PCDH11X: variants seen among roughly 807,000 people sequenced by gnomAD.
PCDH11X encodes the protein protocadherin-11 X-linked.
A neutral mutation model predicts 53.3 loss-of-function variants in PCDH11X; 18 were observed. The observed-to-expected ratio is 0.34, with a 90% CI of 0.23 to 0.50. The LOEUF (loss-of-function observed/expected upper bound fraction) is 0.50, where lower values mean the gene tolerates loss of function less well. PCDH11X is among the 20% of genes least tolerant of loss of function. The probability of loss-of-function intolerance (pLI) is 0.98; values close to 1 mark genes in which losing one functional copy is unlikely to be tolerated. For synonymous variants in PCDH11X, 279 were observed against 393.3 expected (o/e 0.71, Z 3.44); for missense variants, 570 against 1,032.4 (o/e 0.55, Z 6.14).
intron 8 of PCDH11X, among the ~76,000 whole-genome samples, chrX:92,318,734 A>C (rs1421996882): frequency 9.0e-6 from 1 of 111,299 alleles, no homozygotes. Context: ...TAATCATAGG[A>C]AAATTGGCTT....
intron 8 of PCDH11X, among the ~76,000 whole-genome samples, chrX:92,370,385 G>A (rs113510862): frequency 0.15 from 15,710 of 106,101 alleles, 1,206 homozygotes; most frequent in Non-Finnish European, 0.22. Context: ...TTTTGATCTC[G>A]CGTGATATGT....
intron 6 of PCDH11X, among the ~76,000 whole-genome samples, chrX:91,915,309 A>G (rs983701603): frequency 8.6e-5 from 9 of 105,125 alleles, no homozygotes; most frequent in African/African-American, 3.1e-4. Flanking sequence ...AGCAACAACT[A>G]ACATGATGAG....
In PCDH11X at chrX:92,233,985, A is replaced by G. The variant is rs142739558; in HGVS notation, c.3115-29129A>G. On this transcript the variant is annotated intron_variant, in intron 7 of 10. Coordinates refer to ENST00000682573, the MANE Select transcript of PCDH11X (RefSeq NM_032968.5). ...ATATTGGCATAGTTTTAGCAGCTTG[A>G]CTTTCACAGAATAATGCACTGCTTC... 1.1e-3 allele frequency among the ~76,000 whole-genome samples: 123 copies of G among 112,088 alleles called. 1 individual carries two copies. The East Asian group carries it at 0.031, about 28-fold the overall frequency.
chrX:92,492,546 G>T (rs2073784617), intron 10 of PCDH11X, among the ~76,000 whole-genome samples: 1 of 111,669 alleles, frequency 9.0e-6, no homozygotes, highest in African/African-American at 3.3e-5. Context: ...TTTGGAGAAA[G>T]CTGTATTTTT....
At chrX:91,844,727 T>C (rs1370019310) in intron 5 of PCDH11X, among the ~76,000 whole-genome samples, 1 of 106,089 alleles carries the variant, frequency 9.4e-6, no homozygotes, top group African/African-American at 3.4e-5. Flanking sequence ...AAGCCTTTCC[T>C]GGATGCTAGT....
At chrX:92,153,307 C>T (rs963143646) in intron 6 of PCDH11X, among the ~76,000 whole-genome samples, 25 of 103,725 alleles carry the variant, frequency 2.4e-4, no homozygotes, top group Non-Finnish European at 3.9e-4. Flanking sequence ...ATTGCAATGC[C>T]ATCTTATATT....
In PCDH11X at chrX:92,151,191, C is replaced by CTATT. The variant is rs1196997542; in HGVS notation, c.3034-50170_3034-50167dup. Among the ~76,000 whole-genome samples the CTATT allele has an allele frequency of 6.2e-3, 668 of 108,534 alleles. 5 individuals are homozygous for CTATT. Among genetic ancestry groups the CTATT allele is most frequent in the African/African-American group, 0.022 (649 of 29,818 alleles). The allele number at this position is 108,534 out of a possible 115,157, so 94.2% of individuals were successfully genotyped here. A position where few individuals can be genotyped will look rare whatever the true frequency, so the allele number is the denominator to read the frequency against. On this transcript the variant is annotated intron_variant, in intron 6 of 10. Coordinates refer to ENST00000682573, the MANE Select transcript of PCDH11X (RefSeq NM_032968.5). ...GAATTTTTATTTTTATTTTATTTATCTATTTATTTATTTATTTTTGAGATG... is the reference window on the plus strand; with the variant it reads ...GAATTTTTATTTTTATTTTATTTATCTATTTATTTATTTATTTATTTTTGAGATG...
intron 5 of PCDH11X, among the ~76,000 whole-genome samples, chrX:91,847,688 T>C (rs1937759726): frequency 2.7e-5 from 3 of 111,548 alleles, no homozygotes; most frequent in African/African-American, 9.8e-5. Flanking sequence ...CTTGGTTCTG[T>C]TGGCAAAAGA....
intron 6 of PCDH11X, among the ~76,000 whole-genome samples, chrX:91,921,781 G>T (rs931201585): frequency 2.8e-5 from 3 of 108,615 alleles, no homozygotes; most frequent in Non-Finnish European, 5.7e-5. Flanking sequence ...CTGCTTGCTG[G>T]TTTTGTGTAA....
At position 92,102,123 on chromosome X, in the gene PCDH11X, C is replaced by T. The variant is rs182611388; in HGVS notation, c.3034-99252C>T. Among the ~76,000 whole-genome samples, 12 of 110,577 alleles carry T rather than the reference C, an allele frequency of 1.1e-4. No individual in the cohort carries two copies. The East Asian group carries it at 2.0e-3, about 18-fold the overall frequency. On this transcript the variant is annotated intron_variant, in intron 6 of 10. Coordinates refer to ENST00000682573, the MANE Select transcript of PCDH11X (RefSeq NM_032968.5). ...GTGGTATCAGGAATAATGTGGGAGG[C>T]CAGATTGAAGTCCCGGCCAGGAACA...
chrX:92,011,702 C>G (rs1474299906), intron 6 of PCDH11X, among the ~76,000 whole-genome samples: 2 of 110,991 alleles, frequency 1.8e-5, no homozygotes, highest in African/African-American at 6.5e-5. Flanking sequence ...ATGCCTTGCT[C>G]TATAAGTCAA....
intron 6 of PCDH11X, among the ~76,000 whole-genome samples, chrX:91,997,254 T>C (rs1268912679): frequency 9.1e-6 from 1 of 110,194 alleles, no homozygotes; most frequent in Non-Finnish European, 1.9e-5. Context: ...AGTACTATGT[T>C]GAATAGAAGT....
Position 91,886,105 on chromosome X carries a change from T to C in PCDH11X, c.3033+6832T>C, listed in dbSNP as rs187107546. Among the ~76,000 whole-genome samples, 352 of 112,252 alleles carry C rather than the reference T, an allele frequency of 3.1e-3. 1 individual carries two copies. Among genetic ancestry groups the C allele is most frequent in the African/African-American group, 0.011 (337 of 30,973 alleles). On this transcript the variant is annotated intron_variant, in intron 6 of 10. Transcript: ENST00000682573. ...CCAGAGGACAAAAATATTTATTTCC[T>C]TACTTGATTCCTTCTTATCAGTTGA...
chrX:92,487,838 A>G (rs764675700), intron 10 of PCDH11X, among the ~76,000 whole-genome samples: 1 of 111,497 alleles, frequency 9.0e-6, no homozygotes, highest in South Asian at 3.8e-4. Flanking sequence ...GCAAACTAAT[A>G]ATGTGTACAC....
At chrX:91,973,613 C>CTTTTTTTT (rs750179369) in intron 6 of PCDH11X, among the ~76,000 whole-genome samples, 1 of 88,315 alleles carries the variant, frequency 1.1e-5, no homozygotes, top group African/African-American at 4.3e-5. Flanking sequence ...GTATATACAA[C>CTTTTTTTT]TTTTTTTTTT....
At chrX:91,875,242 G>A (rs1414995481) in intron 5 of PCDH11X, among the ~76,000 whole-genome samples, 1 of 105,325 alleles carries the variant, frequency 9.5e-6, no homozygotes, top group Non-Finnish European at 1.9e-5. Context: ...CTACGTTTGT[G>A]TGTAGGGATC....
At chrX:92,369,460 G>C (rs1429006943) in intron 8 of PCDH11X, among the ~76,000 whole-genome samples, 1 of 111,647 alleles carries the variant, frequency 9.0e-6, no homozygotes, top group Non-Finnish European at 1.9e-5. Context: ...CCGTGGGAGT[G>C]GGATCTGCTG....
chrX:92,407,305 G>C (rs1285811612), intron 9 of PCDH11X, among the ~76,000 whole-genome samples: 2 of 111,295 alleles, frequency 1.8e-5, no homozygotes, highest in East Asian at 5.7e-4. Flanking sequence ...GAACAACCTT[G>C]TACATGCTTT....
intron 8 of PCDH11X, among the ~76,000 whole-genome samples, chrX:92,267,620 G>T (rs2067862153): frequency 8.9e-6 from 1 of 112,358 alleles, no homozygotes; most frequent in Non-Finnish European, 1.9e-5. Flanking sequence ...GTACAACAGT[G>T]CAGACGTGTT....
Sources: gnomAD v4.1 joint callset for allele counts (sites outside exome capture counted in the v4.1 genomes callset) on GRCh38, gnomAD v4.1.1 for gene constraint, MANE v1.5 for transcripts, NCBI Gene and HGNC (gene_info 2026-07-23, HGNC 2026-07-21) for gene names.